ILDR1: variants seen among roughly 807,000 people sequenced by gnomAD.
ILDR1 encodes immunoglobulin like domain containing receptor 1.
In ILDR1, 56 loss-of-function variants were observed where a neutral mutation model predicts 62.4. That is an observed-to-expected ratio of 0.90 (90% CI 0.72 to 1.12). The LOEUF is 1.12. Among genes scored for constraint, ILDR1 ranks in the 50% most tolerant of loss-of-function variants. The pLI is 0.00. For synonymous variants in ILDR1, 284 were observed against 277.8 expected (o/e 1.02, Z -0.22); for missense variants, 736 against 710.6 (o/e 1.04, Z -0.41).
At chr3:121,997,256 C>T (rs1002179884) in intron 5 of ILDR1, among the ~76,000 whole-genome samples, 1 of 152,212 alleles carries the variant, frequency 6.6e-6, no homozygotes, top group African/African-American at 2.4e-5. Flanking sequence ...CCAAAACTAC[C>T]AGTCCTCCCT....
At chr3:122,006,723 T>C (rs984769709) in intron 2 of ILDR1, among the ~76,000 whole-genome samples, 2 of 152,158 alleles carry the variant, frequency 1.3e-5, no homozygotes, top group African/African-American at 4.8e-5. Context: ...GGCAGGACTT[T>C]TCCCTAATGT....
At chr3:121,989,560 T>C (rs952863939) in intron 7 of ILDR1, among the ~76,000 whole-genome samples, 1 of 152,184 alleles carries the variant, frequency 6.6e-6, no homozygotes, top group Admixed American at 6.5e-5. Context: ...TAGGACAAGA[T>C]TAGAAGGAAA....
At chr3:122,013,486 G>A (rs1279627263) in intron 1 of ILDR1, among the ~76,000 whole-genome samples, 5 of 152,084 alleles carry the variant, frequency 3.3e-5, no homozygotes, top group African/African-American at 1.2e-4. Context: ...ACTCCATGTG[G>A]CAGGTTAACA....
At chr3:122,019,245 A>G (rs2071822899) in intron 1 of ILDR1, among the ~76,000 whole-genome samples, 1 of 152,256 alleles carries the variant, frequency 6.6e-6, no homozygotes, top group South Asian at 2.1e-4. Context: ...TTCACATATC[A>G]CTTGTGATAT....
chr3:122,019,416 T>G (rs2071825932), intron 1 of ILDR1, among the ~76,000 whole-genome samples: 1 of 152,208 alleles, frequency 6.6e-6, no homozygotes, highest in Non-Finnish European at 1.5e-5. Context: ...ACAATGTACT[T>G]GGATCTTTCT....
chr3:122,015,017 G>A (rs1015014978), intron 1 of ILDR1, among the ~76,000 whole-genome samples: 2 of 152,226 alleles, frequency 1.3e-5, no homozygotes, highest in African/African-American at 4.8e-5. Flanking sequence ...CCAGTCATTA[G>A]TAGAAAATAA....
the ILDR1 span, among the ~76,000 whole-genome samples, chr3:122,052,663 T>C: frequency 2.0e-5 from 3 of 152,146 alleles, no homozygotes; most frequent in Non-Finnish European, 4.4e-5. Context: ...AACCTCCGCC[T>C]CCCGGGTTCA....
chr3:122,041,370 G>A, the ILDR1 span, among the ~76,000 whole-genome samples: 100 of 152,256 alleles, frequency 6.6e-4, 1 homozygote, highest in African/African-American at 2.2e-3. Context: ...CTGTCTCCCT[G>A]TCTTGCCCTT....
intron 7 of ILDR1, among the ~76,000 whole-genome samples, chr3:121,989,461 G>T (rs1202687111): frequency 6.6e-6 from 1 of 152,236 alleles, no homozygotes; most frequent in East Asian, 1.9e-4. Flanking sequence ...TTAGCTTGGA[G>T]AAGAAAGAAC....
intron 5 of ILDR1, among the ~76,000 whole-genome samples, chr3:121,996,123 C>T (rs2071432384): frequency 6.6e-6 from 1 of 152,198 alleles, no homozygotes; most frequent in South Asian, 2.1e-4. Context: ...AACAACCCTA[C>T]CCACTGTACC....
At chr3:122,061,232 C>T in the ILDR1 span, among the ~76,000 whole-genome samples, 3 of 152,218 alleles carry the variant, frequency 2.0e-5, no homozygotes, top group South Asian at 6.2e-4. Context: ...ATTATCACCC[C>T]AATATTACAA....
At chr3:122,053,551 T>C in the ILDR1 span, among the ~76,000 whole-genome samples, 30 of 152,162 alleles carry the variant, frequency 2.0e-4, no homozygotes, top group Admixed American at 2.0e-3. Context: ...ATATATACCT[T>C]TTTTGTGTGT....
intron 7 of ILDR1, 48 bp from the exon 8 acceptor site, chr3:121,988,456 T>C (rs1171090021): frequency 3.4e-6 from 5 of 1,463,340 alleles, no homozygotes; most frequent in Non-Finnish European, 4.8e-6. Context: ...GTCAGTGCAA[T>C]CCGTCTATGC....
Position 121,988,018 on chromosome 3 carries a change from T to A in ILDR1, c.*349A>T. On this transcript the variant is annotated 3_prime_UTR_variant, in exon 8 of 8. Transcript: ENST00000344209. ...GCCTTGCACTCCTGGGCTCAAGGGA[T>A]CCTTCTGCCTCAGCCTCTTGAGTAG... 2.7e-6 allele frequency: 1 copy of A among 372,384 alleles called. No homozygotes were observed. The highest frequency in any genetic ancestry group is 5.2e-6 in the Non-Finnish European group (1 of 192,880). The allele number at this position is 372,384 out of a possible 1,614,324, so 23.1% of individuals were successfully genotyped here. A position where few individuals can be genotyped will look rare whatever the true frequency, so the allele number is the denominator to read the frequency against.
chr3:122,043,169 G>C, the ILDR1 span, among the ~76,000 whole-genome samples: 1 of 136,806 alleles, frequency 7.3e-6, no homozygotes, highest in African/African-American at 2.8e-5. Flanking sequence ...TTATTAAATA[G>C]GGAATCCTTT....
chr3:122,052,192 A>G, the ILDR1 span, among the ~76,000 whole-genome samples: 2 of 152,168 alleles, frequency 1.3e-5, no homozygotes, highest in Non-Finnish European at 2.9e-5. Flanking sequence ...GCTGTGCCAC[A>G]GGTCCTCTGA....
upstream of ILDR1, among the ~76,000 whole-genome samples, chr3:122,022,914 AAAATAAATAAATAAATAAAT>A (rs59901956): frequency 2.5e-4 from 36 of 143,390 alleles, no homozygotes; most frequent in South Asian, 4.1e-3. Context: ...CTCGGTCTCG[AAAATAAATAAATAAATAAAT>A]AAATAAATAA....
chr3:122,049,172 A>G, the ILDR1 span, among the ~76,000 whole-genome samples: 16 of 152,086 alleles, frequency 1.1e-4, no homozygotes, highest in Admixed American at 1.3e-4. Flanking sequence ...ATTTCCACAT[A>G]TTTGTGAATT....
At chr3:121,990,452 C>A (rs1316974912) in intron 7 of ILDR1, among the ~76,000 whole-genome samples, 1 of 152,176 alleles carries the variant, frequency 6.6e-6, no homozygotes, top group Non-Finnish European at 1.5e-5. Flanking sequence ...TGTACAAAAT[C>A]TTTGCTTCTT....
Sources: gnomAD v4.1 joint callset for allele counts (sites outside exome capture counted in the v4.1 genomes callset) on GRCh38, gnomAD v4.1.1 for gene constraint, MANE v1.5 for transcripts, NCBI Gene and HGNC (gene_info 2026-07-23, HGNC 2026-07-21) for gene names.